Variants in ROBO2 observed in about 807,000 individuals in gnomAD.
ROBO2 encodes roundabout guidance receptor 2.
A neutral mutation model predicts 160.8 loss-of-function variants in ROBO2; 53 were observed. The observed-to-expected ratio is 0.33, with a 90% CI of 0.26 to 0.41. The LOEUF (loss-of-function observed/expected upper bound fraction) is 0.41. Among genes scored for constraint, ROBO2 ranks in the 10% least tolerant of loss-of-function variants. The pLI, the probability that ROBO2 is intolerant of heterozygous loss-of-function variation, is 1.00. For synonymous variants in ROBO2, 664 were observed against 611.7 expected, an observed-to-expected ratio of 1.09 and a Z score of -1.26; for missense variants, 1,577 against 1,722.4, an observed-to-expected ratio of 0.92 and a Z score of 1.49.
exon 9 of ROBO2, chr3:77,557,982 C>T: frequency 6.2e-7 from 1 of 1,613,032 alleles, no homozygotes; most frequent in Non-Finnish European, 8.5e-7. Flanking sequence ...TCTACAAGGC[C>T]CAGCCAACCA....
chr3:76,558,524 G>A (rs1326332424), intron 2 of ROBO2, among the ~76,000 whole-genome samples: 1 of 152,012 alleles, frequency 6.6e-6, no homozygotes, highest in Non-Finnish European at 1.5e-5. Context: ...TTTCTCACAA[G>A]TACATGGGCC....
intron 2 of ROBO2, among the ~76,000 whole-genome samples, chr3:76,089,385 C>G (rs2069137913): frequency 6.6e-6 from 1 of 151,896 alleles, no homozygotes; most frequent in South Asian, 2.1e-4. Flanking sequence ...ATAAGAAAAG[C>G]AAACTACAAA....
chr3:76,264,830 A>G (rs752054098), intron 2 of ROBO2, among the ~76,000 whole-genome samples: 2 of 152,128 alleles, frequency 1.3e-5, no homozygotes, highest in Non-Finnish European at 2.9e-5. Context: ...CTTTTACTTT[A>G]CATGAGAACT....
chr3:77,337,018 G>A (rs2066564278), intron 2 of ROBO2, among the ~76,000 whole-genome samples: 1 of 152,090 alleles, frequency 6.6e-6, no homozygotes, highest in South Asian at 2.1e-4. Flanking sequence ...CTAGAATAAG[G>A]GAAAGAAGGA....
At chr3:76,245,603 A>G (rs1263681518) in intron 2 of ROBO2, among the ~76,000 whole-genome samples, 1 of 152,116 alleles carries the variant, frequency 6.6e-6, no homozygotes, top group Non-Finnish European at 1.5e-5. Context: ...TATAATCATC[A>G]ATCTTTAATC....
chr3:77,211,925 T>A (rs1168984077), intron 2 of ROBO2, among the ~76,000 whole-genome samples: 1 of 152,174 alleles, frequency 6.6e-6, no homozygotes, highest in African/African-American at 2.4e-5. Context: ...TTCTGTTCCA[T>A]TGGTCTATAA....
chr3:77,380,187 T>C (rs2073255127), intron 2 of ROBO2, among the ~76,000 whole-genome samples: 1 of 152,220 alleles, frequency 6.6e-6, no homozygotes, highest in Non-Finnish European at 1.5e-5. Context: ...TTTATTTGTC[T>C]TGTACTCAGC....
chr3:76,603,300 C>G (rs1400324414), intron 2 of ROBO2, among the ~76,000 whole-genome samples: 3 of 134,714 alleles, frequency 2.2e-5, no homozygotes, highest in African/African-American at 8.7e-5. Context: ...CCACTGCACT[C>G]CAGCCTGGGT....
intron 2 of ROBO2, among the ~76,000 whole-genome samples, chr3:77,418,360 C>A (rs1235141650): frequency 6.6e-6 from 1 of 152,068 alleles, no homozygotes; most frequent in African/African-American, 2.4e-5. Context: ...TTTTCCAAAT[C>A]GTGTACATTT....
At chr3:76,654,555 T>G (rs1160925954) in intron 2 of ROBO2, among the ~76,000 whole-genome samples, 1 of 152,052 alleles carries the variant, frequency 6.6e-6, no homozygotes, top group Non-Finnish European at 1.5e-5. Context: ...GATCATGGCT[T>G]CTTCCTTTAA....
At chr3:77,445,856 C>T (rs2153558129) in intron 2 of ROBO2, among the ~76,000 whole-genome samples, 1 of 147,530 alleles carries the variant, frequency 6.8e-6, no homozygotes, top group South Asian at 2.1e-4. Context: ...ATATAAACCA[C>T]AGGAATTCCA....
At chr3:77,020,295 G>A (rs2062548752) in intron 2 of ROBO2, among the ~76,000 whole-genome samples, 1 of 152,224 alleles carries the variant, frequency 6.6e-6, no homozygotes, top group East Asian at 1.9e-4. Context: ...TCAAATATTT[G>A]GAAGGAGAGA....
At chr3:75,948,842 A>T (rs1429823224) in intron 2 of ROBO2, among the ~76,000 whole-genome samples, 1 of 152,186 alleles carries the variant, frequency 6.6e-6, no homozygotes, top group Non-Finnish European at 1.5e-5. Flanking sequence ...TTATAAAAAC[A>T]AGTTTTAATT....
chr3:76,365,071 AG>A (rs1449758870), intron 2 of ROBO2, among the ~76,000 whole-genome samples: 2 of 150,392 alleles, frequency 1.3e-5, no homozygotes, highest in Non-Finnish European at 3.0e-5. Flanking sequence ...TCTAATAAGA[AG>A]CCACACTTTA....
At chr3:77,093,283 A>G (rs1432944011) in intron 1 of ROBO2, among the ~76,000 whole-genome samples, 2 of 152,102 alleles carry the variant, frequency 1.3e-5, no homozygotes, top group African/African-American at 4.8e-5. Flanking sequence ...TGAGGGGCTC[A>G]CACTTTAGAT....
In ROBO2 at chr3:77,399,085, C is replaced by T. The variant is rs958828466; in HGVS notation, c.389-78329C>T. 3.3e-5 allele frequency among the ~76,000 whole-genome samples: 5 copies of T among 152,122 alleles called. 1 individual carries two copies. Among genetic ancestry groups the T allele is most frequent in the Middle Eastern group, 3.4e-3 (1 of 292 alleles). Reference sequence around the variant, plus strand: ...TCCTTTGAAAAGATAAATCAAATTGCCAAGTTTGATTTTTTAAAAATATAT... The same window carrying T: ...TCCTTTGAAAAGATAAATCAAATTGTCAAGTTTGATTTTTTAAAAATATAT... On this transcript the variant is annotated intron_variant, in intron 2 of 25. Transcript: ENST00000461745.
chr3:76,510,574 A>C (rs1430250319), intron 2 of ROBO2, among the ~76,000 whole-genome samples: 1 of 152,098 alleles, frequency 6.6e-6, no homozygotes, highest in African/African-American at 2.4e-5. Context: ...AAATGCACAA[A>C]TTAGCCAGAT....
At chr3:77,224,209 G>GTTT (rs1191977710) in intron 2 of ROBO2, among the ~76,000 whole-genome samples, 1 of 151,978 alleles carries the variant, frequency 6.6e-6, no homozygotes, top group East Asian at 1.9e-4. Context: ...CTTCACTAGA[G>GTTT]GAAAGTAAAA....
At chr3:76,444,186 G>T (rs2077060501) in intron 2 of ROBO2, among the ~76,000 whole-genome samples, 1 of 151,914 alleles carries the variant, frequency 6.6e-6, no homozygotes, top group African/African-American at 2.4e-5. Context: ...CATCATGTTG[G>T]TCAGGCTGGT....
Sources: gnomAD v4.1 joint callset for allele counts (sites outside exome capture counted in the v4.1 genomes callset) on GRCh38, gnomAD v4.1.1 for gene constraint, MANE v1.5 for transcripts, NCBI Gene and HGNC (gene_info 2026-07-23, HGNC 2026-07-21) for gene names.